CCDC192: variants seen among roughly 807,000 people sequenced by gnomAD.
CCDC192 encodes coiled-coil domain containing 192, also known as coiled-coil domain-containing protein 192.
At chr5:127,814,469 A>G (rs953093443) in intron 5 of CCDC192, among the ~76,000 whole-genome samples, 1 of 152,188 alleles carries the variant, frequency 6.6e-6, no homozygotes, top group African/African-American at 2.4e-5. Context: ...CAAGGCTGCC[A>G]TGTTGAGTTA....
chr5:127,843,098 G>A (rs1473213623), intron 5 of CCDC192, among the ~76,000 whole-genome samples: 1 of 132,520 alleles, frequency 7.5e-6, no homozygotes, highest in Non-Finnish European at 1.5e-5. Flanking sequence ...GCAGTGGCAC[G>A]ATCTTGGCTC....
At chr5:127,913,079 G>C (rs1753420507) in intron 6 of CCDC192, among the ~76,000 whole-genome samples, 1 of 152,170 alleles carries the variant, frequency 6.6e-6, no homozygotes, top group Non-Finnish European at 1.5e-5. Flanking sequence ...CATGATTCAA[G>C]GACAAGACAA....
chr5:127,930,117 C>T (rs1469732262), intron 6 of CCDC192, among the ~76,000 whole-genome samples: 2 of 152,174 alleles, frequency 1.3e-5, no homozygotes, highest in Non-Finnish European at 2.9e-5. Context: ...GCAGGAGAAT[C>T]GCTTGATCCC....
At chr5:127,817,793 A>G (rs908493996) in intron 5 of CCDC192, among the ~76,000 whole-genome samples, 1 of 152,212 alleles carries the variant, frequency 6.6e-6, no homozygotes, top group Admixed American at 6.5e-5. Flanking sequence ...ATGAAAACAG[A>G]TTCTTGAATT....
At chr5:127,736,028 C>T (rs1752966172) in intron 2 of CCDC192, among the ~76,000 whole-genome samples, 1 of 92,300 alleles carries the variant, frequency 1.1e-5, no homozygotes, top group Non-Finnish European at 2.1e-5. Flanking sequence ...GGAATGCTTC[C>T]AGTTTTTGCC....
intron 5 of CCDC192, among the ~76,000 whole-genome samples, chr5:127,813,187 C>A (rs1758177720): frequency 6.6e-6 from 1 of 152,100 alleles, no homozygotes; most frequent in African/African-American, 2.4e-5. Context: ...TTCCTCATTG[C>A]GGGGGCCCAG....
At chr5:127,844,627 C>T (rs1159144758) in intron 5 of CCDC192, among the ~76,000 whole-genome samples, 1 of 152,160 alleles carries the variant, frequency 6.6e-6, no homozygotes. Context: ...CTAGCAGAGA[C>T]AAAGGGTGAG....
intron 2 of CCDC192, among the ~76,000 whole-genome samples, chr5:127,712,154 A>C (rs935453471): frequency 6.6e-6 from 1 of 152,164 alleles, no homozygotes; most frequent in African/African-American, 2.4e-5. Context: ...TTTGAAATTT[A>C]TCCATGTTGT....
chr5:127,705,269 T>G (rs1750899463), intron 1 of CCDC192, among the ~76,000 whole-genome samples: 2 of 152,200 alleles, frequency 1.3e-5, no homozygotes, highest in African/African-American at 4.8e-5. Flanking sequence ...CTCATGACCT[T>G]TAAATATAAT....
At chr5:127,703,245 T>G, upstream of CCDC192, 1 of 379,594 alleles carries the variant, frequency 2.6e-6, no homozygotes, top group Non-Finnish European at 4.7e-6. Flanking sequence ...CTGGATCTGA[T>G]TTGTGAGATG....
At chr5:127,937,517 G>T (rs1186251666) in intron 6 of CCDC192, among the ~76,000 whole-genome samples, 1 of 152,148 alleles carries the variant, frequency 6.6e-6, no homozygotes, top group Non-Finnish European at 1.5e-5. Flanking sequence ...CATAAAGGTG[G>T]CCAGGAAGAG....
intron 3 of CCDC192, among the ~76,000 whole-genome samples, chr5:127,762,058 GT>G (rs111565791): frequency 2.0e-5 from 3 of 150,422 alleles, no homozygotes; most frequent in African/African-American, 4.9e-5. Flanking sequence ...AAAATGCTCT[GT>G]TTTTTTTTCA....
chr5:127,921,042 AAAGGAGG>A (rs1183097261), intron 6 of CCDC192, among the ~76,000 whole-genome samples: 9 of 149,030 alleles, frequency 6.0e-5, no homozygotes, highest in South Asian at 2.1e-4. Flanking sequence ...GTTGGAAAGG[AAAGGAGG>A]AAGGAGGAAG....
At chr5:127,839,381 C>A (rs1168970582) in intron 5 of CCDC192, among the ~76,000 whole-genome samples, 1 of 152,052 alleles carries the variant, frequency 6.6e-6, no homozygotes, top group East Asian at 1.9e-4. Context: ...TATTAGTATG[C>A]TACAAATGTT....
intron 2 of CCDC192, among the ~76,000 whole-genome samples, chr5:127,733,435 A>G (rs2673748): frequency 0.47 from 72,188 of 152,006 alleles, 17,852 homozygotes; most frequent in African/African-American, 0.61. Context: ...ATGAGGAAAT[A>G]GGGGCTCAGA....
At chr5:127,812,152 C>T (rs746900337) in intron 5 of CCDC192, among the ~76,000 whole-genome samples, 1 of 152,116 alleles carries the variant, frequency 6.6e-6, no homozygotes, top group African/African-American at 2.4e-5. Flanking sequence ...TTTATAAAAT[C>T]CTTAGACTGG....
At chr5:127,732,653 C>CTATGTACTTTATGTACTTTATGACTTT (rs1752708009) in intron 2 of CCDC192, among the ~76,000 whole-genome samples, 1 of 152,148 alleles carries the variant, frequency 6.6e-6, no homozygotes, top group East Asian at 1.9e-4. Flanking sequence ...CCATGGAGTA[C>CTATGTACTTTATGTACTTTATGACTTT]TATGCAGTCA....
chr5:127,754,121 A>G (rs554610316), intron 2 of CCDC192, 147 bp from the exon 3 acceptor site: 1 of 387,290 alleles, frequency 2.6e-6, no homozygotes, highest in South Asian at 1.4e-4. Flanking sequence ...TTTTATTTCC[A>G]TGTTAAGAAA....
intron 6 of CCDC192, among the ~76,000 whole-genome samples, chr5:127,882,188 G>A (rs1279787589): frequency 6.6e-6 from 1 of 152,192 alleles, no homozygotes; most frequent in African/African-American, 2.4e-5. Flanking sequence ...CCTGTAATGG[G>A]ATTGACATTT....
Sources: allele counts gnomAD v4.1 joint callset (sites outside exome capture counted in the v4.1 genomes callset), GRCh38; gene constraint gnomAD v4.1.1; transcripts MANE v1.5; gene names NCBI Gene and HGNC (gene_info 2026-07-23, HGNC 2026-07-21).